CCSER1: variants seen among roughly 807,000 people sequenced by gnomAD.
The protein encoded by CCSER1 is serine-rich coiled-coil domain-containing protein 1.
A neutral mutation model predicts 82.0 loss-of-function variants in CCSER1; 41 were observed. That is an observed-to-expected ratio of 0.50 (90% CI 0.39 to 0.65). CCSER1 has a LOEUF of 0.65. Among genes scored for constraint, CCSER1 ranks in the 30% least tolerant of loss-of-function variants. CCSER1 has a pLI of 0.00. For synonymous variants in CCSER1, 414 were observed against 383.9 expected (o/e 1.08, Z -0.92); for missense variants, 1,119 against 1,064.2 (o/e 1.05, Z -0.72).
At chr4:90,187,740 G>A (rs1734878171) in intron 1 of CCSER1, among the ~76,000 whole-genome samples, 1 of 151,776 alleles carries the variant, frequency 6.6e-6, no homozygotes. Context: ...ATAAATATGA[G>A]TAAACACCAC....
intron 1 of CCSER1, among the ~76,000 whole-genome samples, chr4:90,202,723 A>G (rs13109951): frequency 0.19 from 28,791 of 152,156 alleles, 3,091 homozygotes; most frequent in South Asian, 0.28. Context: ...AATGCTTTCT[A>G]ATTCTGTCTT....
rs117420372 is a variant in CCSER1, at chr4:90,592,145, G to A, written c.1725-35880G>A. Among the ~76,000 whole-genome samples, 118 of 152,122 alleles carry A rather than the reference G, an allele frequency of 7.8e-4. 1 individual carries two copies. In the East Asian group the frequency reaches 0.016, roughly 21 times the overall value. Reference sequence around the variant, plus strand: ...CAGGAAACCACCATGGCACATGTATGGCTGCATAAAAAACCTGCACGTTCT... The same window carrying A: ...CAGGAAACCACCATGGCACATGTATAGCTGCATAAAAAACCTGCACGTTCT... On this transcript the variant is annotated intron_variant, in intron 5 of 10. Transcript: ENST00000509176.
At chr4:91,041,757 A>T (rs575743127) in intron 9 of CCSER1, among the ~76,000 whole-genome samples, 37 of 152,320 alleles carry the variant, frequency 2.4e-4, no homozygotes, top group African/African-American at 8.7e-4. Flanking sequence ...CTTTTAACTA[A>T]GGCACAACAA....
At chr4:90,419,149 C>G (rs954700145) in intron 4 of CCSER1, among the ~76,000 whole-genome samples, 4 of 151,964 alleles carry the variant, frequency 2.6e-5, no homozygotes, top group Admixed American at 2.6e-4. Context: ...TCCAAATTTT[C>G]TATTACACTA....
chr4:91,524,906 T>C (rs745775350), intron 10 of CCSER1, among the ~76,000 whole-genome samples: 11 of 152,100 alleles, frequency 7.2e-5, no homozygotes, highest in Admixed American at 2.0e-4. Flanking sequence ...CTTCTGCAGA[T>C]TGGGGAGGAT....
At chr4:90,905,358 C>CTACA (rs71596536) in intron 8 of CCSER1, among the ~76,000 whole-genome samples, 9,945 of 150,382 alleles carry the variant, frequency 0.066, 690 homozygotes, top group African/African-American at 0.17. Context: ...TCTAGTCACA[C>CTACA]CACACACACA....
At chr4:91,060,657 C>G (rs1047413094) in intron 9 of CCSER1, among the ~76,000 whole-genome samples, 1 of 151,930 alleles carries the variant, frequency 6.6e-6, no homozygotes, top group African/African-American at 2.4e-5. Flanking sequence ...GTTAGTTGCT[C>G]TATTCTCTAA....
At chr4:90,521,923 C>A (rs1035277934) in intron 5 of CCSER1, among the ~76,000 whole-genome samples, 2 of 152,164 alleles carry the variant, frequency 1.3e-5, no homozygotes, top group African/African-American at 4.8e-5. Context: ...CCAGGCCAAA[C>A]TGGTCACTCC....
chr4:91,335,039 T>G (rs983035093), intron 10 of CCSER1, among the ~76,000 whole-genome samples: 2 of 152,062 alleles, frequency 1.3e-5, no homozygotes, highest in African/African-American at 4.8e-5. Context: ...TTATTCTGAG[T>G]AAAATTAATA....
At chr4:90,209,165 T>C (rs1739477716) in intron 1 of CCSER1, among the ~76,000 whole-genome samples, 1 of 152,180 alleles carries the variant, frequency 6.6e-6, no homozygotes, top group African/African-American at 2.4e-5. Context: ...ATTGCCTCCC[T>C]TCACTGTATA....
chr4:90,492,699 AG>A (rs1185851451), intron 5 of CCSER1, among the ~76,000 whole-genome samples: 2 of 152,190 alleles, frequency 1.3e-5, no homozygotes, highest in Non-Finnish European at 2.9e-5. Context: ...AATGTGTCCC[AG>A]AGATTCTGAT....
chr4:91,399,473 A>G (rs565169586), intron 10 of CCSER1, among the ~76,000 whole-genome samples: 136 of 152,108 alleles, frequency 8.9e-4, no homozygotes, highest in African/African-American at 3.1e-3. Flanking sequence ...TTTTATCCCT[A>G]TATTTTATGC....
chr4:90,744,719 A>C (rs1322595504), intron 7 of CCSER1, among the ~76,000 whole-genome samples: 1 of 152,134 alleles, frequency 6.6e-6, no homozygotes, highest in Non-Finnish European at 1.5e-5. Flanking sequence ...GAGACATTAG[A>C]TTCTCATATG....
rs144914249 is a variant in CCSER1, at chr4:90,926,128, T to C, written c.2172+2681T>C. Among the ~76,000 whole-genome samples, 682 of 152,158 alleles carry C rather than the reference T, an allele frequency of 4.5e-3. 7 individuals are homozygous for C. The highest frequency in any genetic ancestry group is 0.016 in the African/African-American group (650 of 41,576). ...TTTTTTAATATTTTATATGCAATAA[T>C]AATCATTTATTCTTCAATTTATAGT... On this transcript the variant is annotated intron_variant, in intron 9 of 10. Transcript: ENST00000509176.
At chr4:90,363,435 T>C (rs1018662040) in intron 3 of CCSER1, among the ~76,000 whole-genome samples, 3 of 152,162 alleles carry the variant, frequency 2.0e-5, no homozygotes, top group Non-Finnish European at 4.4e-5. Flanking sequence ...TGAATGAATA[T>C]CACTGTGGCA....
chr4:90,282,423 T>C (rs1729033699), intron 1 of CCSER1, among the ~76,000 whole-genome samples: 1 of 150,850 alleles, frequency 6.6e-6, no homozygotes, highest in East Asian at 1.9e-4. Context: ...AGTTAAATTA[T>C]ATATATTTAT....
intron 1 of CCSER1, among the ~76,000 whole-genome samples, chr4:90,242,889 C>T (rs77713265): frequency 0.042 from 6,384 of 152,162 alleles, 223 homozygotes; most frequent in Non-Finnish European, 0.062. Context: ...TCTTAGATTG[C>T]ACATCCTCAA....
chr4:91,148,285 C>T (rs1485189462), intron 10 of CCSER1, among the ~76,000 whole-genome samples: 1 of 151,994 alleles, frequency 6.6e-6, no homozygotes, highest in Non-Finnish European at 1.5e-5. Context: ...TCAATTGAGA[C>T]TCATTTATTC....
At chr4:91,387,218 C>T (rs1248786062) in intron 10 of CCSER1, among the ~76,000 whole-genome samples, 2 of 151,786 alleles carry the variant, frequency 1.3e-5, no homozygotes, top group African/African-American at 4.8e-5. Context: ...CATAGACATA[C>T]ACACAAACAT....
Sources: gnomAD v4.1 joint callset for allele counts (sites outside exome capture counted in the v4.1 genomes callset) on GRCh38, gnomAD v4.1.1 for gene constraint, MANE v1.5 for transcripts, NCBI Gene and HGNC (gene_info 2026-07-23, HGNC 2026-07-21) for gene names.